The following ANKS1A variants were observed in gnomAD, a reference collection of about 807,000 sequenced individuals.
ANKS1A encodes the protein ankyrin repeat and SAM domain-containing protein 1A.
ANKS1A carries 55 observed loss-of-function variants against 120.3 expected under a neutral mutation model. The observed-to-expected ratio is 0.46, with a 90% CI of 0.37 to 0.57. ANKS1A has a LOEUF of 0.57. Among genes scored for constraint, ANKS1A ranks in the 20% least tolerant of loss-of-function variants. The probability of loss-of-function intolerance (pLI) is 0.00; values close to 1 mark genes in which losing one functional copy is unlikely to be tolerated. For missense variants in ANKS1A, 1,123 were observed against 1,480.3 expected (o/e 0.76, Z 3.96); for synonymous variants, 590 against 604.7 (o/e 0.98, Z 0.36).
rs2293242 is a variant in ANKS1A at position 34,981,830 on chromosome 6, C to T, written c.576C>T (p.Tyr192=). Reference sequence around the variant, plus strand: ...CCCCTTTGGACCTGGCAGCACTGTACGGGCGACTGGAGGTGGTGAAAATGC... The same window carrying T: ...CCCCTTTGGACCTGGCAGCACTGTATGGGCGACTGGAGGTGGTGAAAATGC... ...FETPLDLAAL[Y]GRLEVVKMLL... Residue 192 remains tyrosine, a synonymous_variant, in exon 4 of 24, where the codon TAC becomes TAT. Coordinates refer to ENST00000360359, the MANE Select transcript of ANKS1A (RefSeq NM_015245.3). 0.76 allele frequency: 1,222,954 copies of T among 1,613,842 alleles called. 473,120 individuals carry two copies. Among genetic ancestry groups the T allele is most frequent in the Non-Finnish European group, 0.8 (946,472 of 1,179,978 alleles).
At chr6:35,030,957 A>G (rs116097061) in intron 11 of ANKS1A, among the ~76,000 whole-genome samples, 1,853 of 152,296 alleles carry the variant, frequency 0.012, 40 homozygotes, top group African/African-American at 0.039. Context: ...TGTACATTGC[A>G]TGGTACACTA....
chr6:34,992,660 A>G (rs887820838), intron 9 of ANKS1A, among the ~76,000 whole-genome samples: 1 of 152,178 alleles, frequency 6.6e-6, no homozygotes, highest in Non-Finnish European at 1.5e-5. Flanking sequence ...TGTTCCCTTA[A>G]TTGTGTTCCT....
intron 11 of ANKS1A, among the ~76,000 whole-genome samples, chr6:35,046,842 C>G (rs1420839380): frequency 6.6e-6 from 1 of 152,168 alleles, no homozygotes; most frequent in Non-Finnish European, 1.5e-5. Context: ...GTACATTTGT[C>G]TAACCCAAAT....
chr6:35,092,282 C>T (rs923508766), downstream of ANKS1A, among the ~76,000 whole-genome samples: 3 of 152,172 alleles, frequency 2.0e-5, no homozygotes, highest in Admixed American at 6.5e-5. Flanking sequence ...TTTCTGTGGA[C>T]GCTTCCGTTT....
chr6:35,007,630 C>T (rs1296441984), intron 10 of ANKS1A, among the ~76,000 whole-genome samples: 1 of 152,200 alleles, frequency 6.6e-6, no homozygotes, highest in Non-Finnish European at 1.5e-5. Flanking sequence ...TAAAAGCCAT[C>T]TTGTTCTTTG....
chr6:35,023,326 T>C (rs942110215), intron 11 of ANKS1A, among the ~76,000 whole-genome samples: 4 of 152,178 alleles, frequency 2.6e-5, no homozygotes, highest in African/African-American at 4.8e-5. Flanking sequence ...ATACAGCAGT[T>C]TTTGGCACTG....
intron 1 of ANKS1A, among the ~76,000 whole-genome samples, chr6:34,962,441 C>G (rs1406836569): frequency 6.6e-6 from 1 of 152,062 alleles, no homozygotes; most frequent in Non-Finnish European, 1.5e-5. Context: ...CTAGATTGAG[C>G]TAATTAACAT....
chr6:34,904,890 A>C (rs1278791312), intron 1 of ANKS1A, among the ~76,000 whole-genome samples: 1 of 151,938 alleles, frequency 6.6e-6, no homozygotes, highest in African/African-American at 2.4e-5. Context: ...GGCTCACTGC[A>C]ACCTTCGCTT....
chr6:34,924,968 C>G (rs1385436167), intron 1 of ANKS1A, among the ~76,000 whole-genome samples: 1 of 152,132 alleles, frequency 6.6e-6, no homozygotes, highest in Admixed American at 6.5e-5. Flanking sequence ...TTTCCCCTGC[C>G]TAATTATATA....
In ANKS1A at chr6:35,086,073, C is replaced by A; in HGVS notation, c.3303+137C>A. 1 of 1,324,524 alleles carries A rather than the reference C, an allele frequency of 7.5e-7. No individual in the cohort carries two copies. Among genetic ancestry groups the A allele is most frequent in the Non-Finnish European group, 1.0e-6 (1 of 995,226 alleles). 82.0% of individuals were successfully genotyped at this position (1,324,524 alleles called of 1,614,324 possible). A position where few individuals can be genotyped will look rare whatever the true frequency, so the allele number is the denominator to read the frequency against. On this transcript the variant is annotated intron_variant, in intron 22 of 23. Coordinates refer to ENST00000360359, the MANE Select transcript of ANKS1A (RefSeq NM_015245.3). This position sits in a 1 kb window ranked among gnomAD's most constrained non-coding sequence, Gnocchi z 5.1. ...CAGGGAAATGACCCTCTTAATTGTC[C>A]CCCAACCCTGCCAGGTCTCGCCCCT...
At chr6:34,986,098 A>T (rs1772187148) in intron 8 of ANKS1A, among the ~76,000 whole-genome samples, 1 of 152,256 alleles carries the variant, frequency 6.6e-6, no homozygotes, top group South Asian at 2.1e-4. Flanking sequence ...TCTAACATAA[A>T]GGCTGTTTTA....
intron 11 of ANKS1A, among the ~76,000 whole-genome samples, chr6:35,053,063 G>C (rs972019380): frequency 6.6e-6 from 1 of 152,238 alleles, no homozygotes; most frequent in Non-Finnish European, 1.5e-5. Flanking sequence ...CAGATGCACG[G>C]CTTTGTCTGC....
chr6:34,894,873 A>G (rs115938012), intron 1 of ANKS1A, among the ~76,000 whole-genome samples: 1 of 152,332 alleles, frequency 6.6e-6, no homozygotes, highest in African/African-American at 2.4e-5. Context: ...CTCAAGCATG[A>G]GAAGGGTGAA....
In ANKS1A at chr6:35,043,418, G is replaced by A. The variant is rs183199209; in HGVS notation, c.2011-10681G>A. Among the ~76,000 whole-genome samples, 685 of 152,332 alleles carry A rather than the reference G, an allele frequency of 4.5e-3. 6 individuals are homozygous for A. Among genetic ancestry groups the A allele is most frequent in the Middle Eastern group, 0.027 (8 of 294 alleles). On this transcript the variant is annotated intron_variant, in intron 11 of 23. Coordinates refer to ENST00000360359, the MANE Select transcript of ANKS1A (RefSeq NM_015245.3). The stretch of plus-strand genomic sequence containing the variant: ...AAAATTTCGGGAGTCACCTGGGGTG[G>A]TTTACCAGCCTGCAGGGGAGAGACT...
chr6:35,087,561 C>T (rs1778062056), intron 23 of ANKS1A, among the ~76,000 whole-genome samples: 1 of 152,238 alleles, frequency 6.6e-6, no homozygotes, highest in Non-Finnish European at 1.5e-5. Flanking sequence ...TGTGACCACC[C>T]AGTGCCAGAG....
At chr6:34,899,303 A>G (rs764038994) in intron 1 of ANKS1A, among the ~76,000 whole-genome samples, 2 of 152,200 alleles carry the variant, frequency 1.3e-5, no homozygotes, top group Non-Finnish European at 2.9e-5. Flanking sequence ...GAAGAGGGCC[A>G]TTAATAATAC....
intron 11 of ANKS1A, among the ~76,000 whole-genome samples, chr6:35,026,747 T>G (rs998168109): frequency 4.6e-5 from 7 of 152,212 alleles, no homozygotes; most frequent in African/African-American, 1.7e-4. Flanking sequence ...ACCCTACACT[T>G]AATATTGTCT....
chr6:35,073,444 C>G (rs955056276), intron 13 of ANKS1A, among the ~76,000 whole-genome samples: 1 of 152,324 alleles, frequency 6.6e-6, no homozygotes, highest in Non-Finnish European at 1.5e-5. Flanking sequence ...GATATGAAGT[C>G]TGAGCGAGTC....
At chr6:34,890,365 C>CAGG (rs1766750976) in intron 1 of ANKS1A, among the ~76,000 whole-genome samples, 1 of 152,230 alleles carries the variant, frequency 6.6e-6, no homozygotes, top group African/African-American at 2.4e-5. Flanking sequence ...GCTGGGATTA[C>CAGG]AGGCGTGAGC....
Sources: allele counts gnomAD v4.1 joint callset (sites outside exome capture counted in the v4.1 genomes callset), GRCh38; gene constraint gnomAD v4.1.1; non-coding constraint Gnocchi (gnomAD v3.1); transcripts MANE v1.5; gene names NCBI Gene and HGNC (gene_info 2026-07-23, HGNC 2026-07-21).